The following SCHIP1 variants were observed in gnomAD, a reference collection of about 807,000 sequenced individuals.
SCHIP1 encodes schwannomin interacting protein 1.
A neutral mutation model predicts 29.7 loss-of-function variants in SCHIP1; 8 were observed. The observed-to-expected ratio is 0.27, with a 90% confidence interval of 0.16 to 0.49. The LOEUF is 0.49. Ranked by LOEUF, SCHIP1 falls within the 20% of genes least tolerant of loss-of-function variation. The pLI, the probability that SCHIP1 is intolerant of heterozygous loss-of-function variation, is 0.99. For missense variants in SCHIP1, 193 were observed against 294.6 expected, an observed-to-expected ratio of 0.66 and a Z score of 2.52; for synonymous variants, 76 against 94.9, an observed-to-expected ratio of 0.80 and a Z score of 1.16.
At chr3:159,886,849 T>TA (rs1279792988) in intron 3 of SCHIP1, 1 of 160,854 alleles carries the variant, frequency 6.2e-6, no homozygotes, top group East Asian at 1.8e-4. Flanking sequence ...TTAATGGACT[T>TA]ACAGTTCCAC....
At chr3:159,305,366 C>T in the SCHIP1 span, among the ~76,000 whole-genome samples, 1 of 152,226 alleles carries the variant, frequency 6.6e-6, no homozygotes, top group Non-Finnish European at 1.5e-5. Context: ...TTTGTTATCT[C>T]AGAGAAAACA....
the SCHIP1 span, among the ~76,000 whole-genome samples, chr3:159,384,572 T>A: frequency 1.3e-5 from 2 of 151,150 alleles, no homozygotes; most frequent in Admixed American, 1.3e-4. Context: ...AAAATTCTCT[T>A]TTTTGGTTGT....
chr3:159,538,802 AT>A, the SCHIP1 span, among the ~76,000 whole-genome samples: 1 of 152,042 alleles, frequency 6.6e-6, no homozygotes, highest in Admixed American at 6.6e-5. Context: ...AAAAGTCAAC[AT>A]TATGTTTGCT....
chr3:159,712,855 A>C, the SCHIP1 span, among the ~76,000 whole-genome samples: 1 of 151,086 alleles, frequency 6.6e-6, no homozygotes, highest in East Asian at 2.0e-4. Flanking sequence ...AAAGAGAGAG[A>C]GAAAGAGAGA....
chr3:159,374,860 G>A, the SCHIP1 span, among the ~76,000 whole-genome samples: 4 of 152,148 alleles, frequency 2.6e-5, no homozygotes, highest in African/African-American at 7.2e-5. Flanking sequence ...TGGCTATAGA[G>A]CACTTCAGTT....
chr3:159,470,811 G>T, the SCHIP1 span, among the ~76,000 whole-genome samples: 1 of 151,924 alleles, frequency 6.6e-6, no homozygotes, highest in African/African-American at 2.4e-5. Flanking sequence ...AAGGAATGAA[G>T]TATTGATATA....
At chr3:159,434,914 C>T in the SCHIP1 span, among the ~76,000 whole-genome samples, 2 of 152,114 alleles carry the variant, frequency 1.3e-5, no homozygotes, top group African/African-American at 2.4e-5. Flanking sequence ...CTGTCCTCCA[C>T]CTGTAAAATG....
chr3:159,843,799 G>T (rs1233233989), intron 1 of SCHIP1, among the ~76,000 whole-genome samples: 5 of 137,610 alleles, frequency 3.6e-5, no homozygotes, highest in African/African-American at 1.5e-4. Flanking sequence ...CTCCAGCCTG[G>T]GCGACAGAGC....
chr3:159,858,827 C>T (rs928688884), intron 1 of SCHIP1, among the ~76,000 whole-genome samples: 3 of 152,164 alleles, frequency 2.0e-5, no homozygotes, highest in African/African-American at 7.2e-5. Context: ...ACCCAAAGGC[C>T]TTACTGTTGC....
the SCHIP1 span, among the ~76,000 whole-genome samples, chr3:159,495,502 T>C: frequency 1.3e-5 from 2 of 152,182 alleles, no homozygotes; most frequent in African/African-American, 4.8e-5. Context: ...GAACTCCCAT[T>C]CACAATTGCT....
the SCHIP1 span, among the ~76,000 whole-genome samples, chr3:159,283,903 G>T: frequency 1.3e-5 from 2 of 152,122 alleles, no homozygotes; most frequent in Admixed American, 6.5e-5. Flanking sequence ...TTCTTGCATT[G>T]TGGTATTGCT....
the SCHIP1 span, among the ~76,000 whole-genome samples, chr3:159,697,957 A>G: frequency 6.6e-6 from 1 of 152,242 alleles, no homozygotes; most frequent in Non-Finnish European, 1.5e-5. Context: ...CAAGAGACAA[A>G]GAGATTAAAA....
At chr3:159,730,433 G>A in the SCHIP1 span, among the ~76,000 whole-genome samples, 1 of 152,324 alleles carries the variant, frequency 6.6e-6, no homozygotes, top group South Asian at 2.1e-4. Context: ...CCTGGTACAT[G>A]ATGAGCAATC....
the SCHIP1 span, among the ~76,000 whole-genome samples, chr3:159,307,085 C>A: frequency 7.9e-5 from 12 of 152,028 alleles, no homozygotes; most frequent in Non-Finnish European, 1.8e-4. Context: ...ACATAAATAT[C>A]CAAAAATAGG....
intron 2 of SCHIP1, among the ~76,000 whole-genome samples, chr3:159,883,902 G>C (rs1470619216): frequency 6.6e-6 from 1 of 152,034 alleles, no homozygotes; most frequent in Non-Finnish European, 1.5e-5. Context: ...GTTTAAGTCT[G>C]GGTTAATCCT....
the SCHIP1 span, among the ~76,000 whole-genome samples, chr3:159,309,891 TTCCATGTAGCAAGAATCA>T: frequency 6.6e-6 from 1 of 152,044 alleles, no homozygotes; most frequent in Non-Finnish European, 1.5e-5. Flanking sequence ...TATGATAGAG[TTCCATGTAGCAAGAATCA>T]ATAATAATTA....
chr3:159,801,798 T>C, the SCHIP1 span, among the ~76,000 whole-genome samples: 2 of 152,174 alleles, frequency 1.3e-5, no homozygotes, highest in Admixed American at 1.3e-4. Flanking sequence ...TTTCTTTCTA[T>C]TTATATCCTT....
At chr3:159,656,446 G>A in the SCHIP1 span, among the ~76,000 whole-genome samples, 8 of 152,084 alleles carry the variant, frequency 5.3e-5, no homozygotes, top group African/African-American at 1.7e-4. Context: ...GAAGAAAGGC[G>A]AGCCCACTTG....
chr3:159,614,012 T>C, the SCHIP1 span, among the ~76,000 whole-genome samples: 1 of 152,216 alleles, frequency 6.6e-6, no homozygotes, highest in African/African-American at 2.4e-5. Flanking sequence ...GTATTTAACC[T>C]GTACTAAAAC....
Sources: gnomAD v4.1 joint callset for allele counts (sites outside exome capture counted in the v4.1 genomes callset) on GRCh38, gnomAD v4.1.1 for gene constraint, MANE v1.5 for transcripts, NCBI Gene and HGNC (gene_info 2026-07-23, HGNC 2026-07-21) for gene names.